PLCXD1: variants seen among roughly 807,000 people sequenced by gnomAD.
PLCXD1 encodes PI-PLC X domain-containing protein 1.
Under a neutral mutation model 37.8 loss-of-function variants are expected in PLCXD1, and 45 were observed. The ratio of observed to expected loss-of-function variants is 1.19; its 90% CI spans 0.94 to 1.53. The LOEUF (loss-of-function observed/expected upper bound fraction) is 1.53. PLCXD1 is among the 40% of genes most tolerant of loss of function. The probability of loss-of-function intolerance (pLI) is 0.00; values close to 1 mark genes in which losing one functional copy is unlikely to be tolerated. For missense variants in PLCXD1, 539 were observed against 454.7 expected, an observed-to-expected ratio of 1.19 and a Z score of -1.69; for synonymous variants, 246 against 206.9, an observed-to-expected ratio of 1.19 and a Z score of -1.62.
chrX:296,888 G>C (rs1201804495), intron 6 of PLCXD1, among the ~76,000 whole-genome samples: 106 of 115,320 alleles, frequency 9.2e-4, no homozygotes, highest in Non-Finnish European at 1.4e-3. Flanking sequence ...TCTCCCACAT[G>C]GGGATTAGGA....
upstream of PLCXD1, among the ~76,000 whole-genome samples, chrX:280,349 G>GGCAGA (rs1569564332): frequency 6.4e-3 from 568 of 88,860 alleles, 13 homozygotes; most frequent in Non-Finnish European, 8.4e-3. Context: ...AGGCCGTGCA[G>GGCAGA]GGGGAAGGGG....
In PLCXD1 at chrX:300,088, A is replaced by G. The variant is rs1332037448; in HGVS notation, c.*753A>G. On this transcript the variant is annotated 3_prime_UTR_variant, in exon 7 of 7. Transcript: ENST00000381657. ...AAAAAAAAAAAGATGGGGTCTCTCT[A>G]TGTTGGCCAGGTTGGTCTTGAACTC... 1.3e-5 allele frequency: 2 copies of G among 149,610 alleles called. No homozygotes were observed. Among genetic ancestry groups the G allele is most frequent in the Admixed American group, 6.7e-5 (1 of 14,938 alleles). The allele number at this position is 149,610 out of a possible 1,614,324, so 9.3% of individuals were successfully genotyped here.
chrX:300,470 GTGTGTGTGTATA>G lies in PLCXD1; in HGVS notation c.*1143_*1154del, dbSNP rs1229331015. 6.0e-5 allele frequency: 9 copies of G among 150,512 alleles called. No homozygotes were observed. The highest frequency in any genetic ancestry group is 2.0e-4 in the African/African-American group (8 of 40,368). The allele number at this position is 150,512 out of a possible 1,614,324, so 9.3% of individuals were successfully genotyped here. A position where few individuals can be genotyped will look rare whatever the true frequency, so the allele number is the denominator to read the frequency against. On this transcript the variant is annotated 3_prime_UTR_variant, in exon 7 of 7. Coordinates refer to ENST00000381657, the MANE Select transcript of PLCXD1 (RefSeq NM_018390.4). ...TGTTTATACATGTGTATATGTGTGT[GTGTGTGTGTATA>G]TGTGTGTATGTGTGTATATATGTAT...
chrX:282,951 A>G (rs867256458), intron 1 of PLCXD1, among the ~76,000 whole-genome samples: 3 of 142,834 alleles, frequency 2.1e-5, no homozygotes, highest in Non-Finnish European at 3.0e-5. Context: ...TATATTATAT[A>G]TATATTATAT....
Position 293,050 on chromosome X carries a change from C to A in PLCXD1, c.565C>A (p.Arg189=). The A allele has an allele frequency of 1.9e-6, 3 of 1,607,882 alleles. No homozygotes were observed. Among genetic ancestry groups the A allele is most frequent in the Middle Eastern group, 2.2e-4 (1 of 4,476 alleles). The change falls in exon 6 of 7, where the codon CGG becomes AGG. Residue 189 remains arginine (R), a synonymous_variant. Coordinates refer to ENST00000381657, the MANE Select transcript of PLCXD1 (RefSeq NM_018390.4). ...LCPRGEVPTL[R]QLWSRGQQVI... ...TCCTTTGCAGGAGGTGCCGACACTG[C>A]GGCAGCTGTGGTCCCGGGGCCAACA... is the stretch of plus-strand genomic sequence containing the variant.
intron 2 of PLCXD1, among the ~76,000 whole-genome samples, chrX:285,562 C>G (rs1338102639): frequency 6.6e-6 from 1 of 151,640 alleles, no homozygotes; most frequent in Non-Finnish European, 1.5e-5. Flanking sequence ...CACATGTACA[C>G]ATTTGCACCT....
At chrX:286,477 C>T (rs919499676) in intron 2 of PLCXD1, among the ~76,000 whole-genome samples, 45 of 152,132 alleles carry the variant, frequency 3.0e-4, no homozygotes, top group East Asian at 7.7e-4. Flanking sequence ...ACTCAGACAC[C>T]GGATTAAAGA....
chrX:276,967 G>A (rs1214042083), upstream of PLCXD1, among the ~76,000 whole-genome samples: 2 of 152,100 alleles, frequency 1.3e-5, no homozygotes, highest in Non-Finnish European at 1.5e-5. Context: ...CCCGCCTGGC[G>A]GGTCACCGGG....
Position 299,835 on chromosome X carries a change from C to T in PLCXD1, c.*500C>T. ...CTTTGGGAGGCGAAGGCGGGTGGAA[C>T]ATGAGGTCAGGAGTTCGAGACCAGC... is the stretch of plus-strand genomic sequence containing the variant. On this transcript the variant is annotated 3_prime_UTR_variant, in exon 7 of 7. Coordinates refer to ENST00000381657, the MANE Select transcript of PLCXD1 (RefSeq NM_018390.4). The T allele has an allele frequency of 6.1e-6, 1 of 164,448 alleles. No individual in the cohort carries two copies. Among genetic ancestry groups the T allele is most frequent in the South Asian group, 1.5e-4 (1 of 6,648 alleles). The allele number at this position is 164,448 out of a possible 1,614,324, so 10.2% of individuals were successfully genotyped here.
chrX:293,065 C>G lies in PLCXD1; in HGVS notation c.580C>G (p.Arg194Gly). The part of the protein sequence containing the change: ...EVPTLRQLWS[R>G]GQQVIVSYED... ...GCCGACACTGCGGCAGCTGTGGTCC[C>G]GGGGCCAACAGGTCATCGTCTCCTA... Residue 194 changes from arginine (R) to glycine (G), a missense_variant, in exon 6 of 7, where the codon CGG becomes GGG. Arg to Gly is a moderately radical substitution (Grantham distance 125). Coordinates refer to ENST00000381657, the MANE Select transcript of PLCXD1 (RefSeq NM_018390.4). 2 of 1,610,588 alleles carry G rather than the reference C, an allele frequency of 1.2e-6. No individual in the cohort carries two copies. Among genetic ancestry groups the G allele is most frequent in the Non-Finnish European group, 1.7e-6 (2 of 1,179,086 alleles).
rs2048588786 is a variant in PLCXD1, at chrX:302,432, T to G, written c.*3097T>G. Reference sequence around the variant, plus strand: ...TTTTGAGATGGATTTTCCCTCTTGTTGTTCAGGCTGGAGTGCAATGGCACG... The same window carrying G: ...TTTTGAGATGGATTTTCCCTCTTGTGGTTCAGGCTGGAGTGCAATGGCACG... On this transcript the variant is annotated 3_prime_UTR_variant, in exon 7 of 7. Coordinates refer to ENST00000381657, the MANE Select transcript of PLCXD1 (RefSeq NM_018390.4). 1 of 152,138 alleles carries G rather than the reference T, an allele frequency of 6.6e-6. No individual in the cohort carries two copies. Among genetic ancestry groups the G allele is most frequent in the African/African-American group, 2.4e-5 (1 of 41,404 alleles). The allele number at this position is 152,138 out of a possible 1,614,324, so 9.4% of individuals were successfully genotyped here.
rs899759839 is a variant in PLCXD1, at chrX:299,568, A to C, written c.*233A>C. On this transcript the variant is annotated 3_prime_UTR_variant, in exon 7 of 7. Coordinates refer to ENST00000381657, the MANE Select transcript of PLCXD1 (RefSeq NM_018390.4). Reference sequence around the variant, plus strand: ...AGGTCAGGAGCTTGAGAGCAGCCTGACCAACATGGTGAAATCCCATCTCTA... The same window carrying C: ...AGGTCAGGAGCTTGAGAGCAGCCTGCCCAACATGGTGAAATCCCATCTCTA... 14 of 577,084 alleles carry C rather than the reference A, an allele frequency of 2.4e-5. No homozygotes were observed. Among genetic ancestry groups the C allele is most frequent in the Non-Finnish European group, 3.4e-5 (11 of 324,576 alleles). The allele number at this position is 577,084 out of a possible 1,614,324, so 35.7% of individuals were successfully genotyped here. A position where few individuals can be genotyped will look rare whatever the true frequency, so the allele number is the denominator to read the frequency against.
intron 6 of PLCXD1, among the ~76,000 whole-genome samples, chrX:294,802 T>TTGGG: frequency 6.6e-6 from 1 of 151,244 alleles, no homozygotes; most frequent in East Asian, 2.0e-4. Flanking sequence ...AGACTCTGTC[T>TTGGG]CAAAACAAAA....
chrX:291,753 T>C, intron 5 of PLCXD1, 99 bp downstream of exon 5: 1 of 1,329,096 alleles, frequency 7.5e-7, no homozygotes, highest in South Asian at 1.2e-5. Context: ...GCTGCCATGA[T>C]TCCTGTAGCA....
At position 300,574 on chromosome X, in the gene PLCXD1, A is replaced by G. The variant is rs777463748; in HGVS notation, c.*1239A>G. The G allele has an allele frequency of 6.7e-6, 1 of 148,488 alleles. No individual in the cohort carries two copies. The highest frequency in any genetic ancestry group is 2.1e-4 in the South Asian group (1 of 4,806). The allele number at this position is 148,488 out of a possible 1,614,324, so 9.2% of individuals were successfully genotyped here. A position where few individuals can be genotyped will look rare whatever the true frequency, so the allele number is the denominator to read the frequency against. ...TGTATGCATGTATATGTGTATGTGT[A>G]CATGTATATGTGTTTATACATGTAT... On this transcript the variant is annotated 3_prime_UTR_variant, in exon 7 of 7. Transcript: ENST00000381657.
intron 1 of PLCXD1, among the ~76,000 whole-genome samples, chrX:282,060 A>G (rs2069290558): frequency 6.6e-6 from 1 of 152,064 alleles, no homozygotes; most frequent in Admixed American, 6.6e-5. Context: ...TCCAGGTCTC[A>G]TTTCTAAGAG....
intron 1 of PLCXD1, 54 bp downstream of exon 1, chrX:281,738 G>A (rs1265437745): frequency 6.6e-6 from 1 of 152,160 alleles, no homozygotes; most frequent in Non-Finnish European, 1.5e-5. Flanking sequence ...AGGAGGCCGG[G>A]GCTTCTTCCC....
chrX:298,868 C>T (rs1442349778), intron 6 of PLCXD1, among the ~76,000 whole-genome samples: 1 of 152,004 alleles, frequency 6.6e-6, no homozygotes, highest in African/African-American at 2.4e-5. Flanking sequence ...ATGTGGACAT[C>T]TTTGGGGACA....
In PLCXD1 at chrX:293,032, C is replaced by A; in HGVS notation, c.550-3C>A. On this transcript the variant is annotated splice_polypyrimidine_tract_variant and splice_region_variant and intron_variant, in intron 5 of 6. Coordinates refer to ENST00000381657, the MANE Select transcript of PLCXD1 (RefSeq NM_018390.4). ...TGCACCCCTTAACTCTGGTCCTTTG[C>A]AGGAGGTGCCGACACTGCGGCAGCT... 1 of 1,602,108 alleles carries A rather than the reference C, an allele frequency of 6.2e-7. No homozygotes were observed. Among genetic ancestry groups the A allele is most frequent in the Non-Finnish European group, 8.5e-7 (1 of 1,172,998 alleles).
Sources: gnomAD v4.1 joint callset for allele counts (sites outside exome capture counted in the v4.1 genomes callset) on GRCh38, gnomAD v4.1.1 for gene constraint, MANE v1.5 for transcripts, NCBI Gene and HGNC (gene_info 2026-07-23, HGNC 2026-07-21) for gene names.